The following SYN3 variants were observed in gnomAD, a reference collection of about 807,000 sequenced individuals.
SYN3 encodes the protein synapsin III.
SYN3 carries 35 observed loss-of-function variants against 65.8 expected under a neutral mutation model. The observed-to-expected ratio is 0.53, with a 90% CI of 0.41 to 0.70. The LOEUF (loss-of-function observed/expected upper bound fraction) is 0.70, where lower values mean the gene tolerates loss of function less well. Among genes scored for constraint, SYN3 ranks in the 30% least tolerant of loss-of-function variants. The probability of loss-of-function intolerance (pLI) is 0.00; values close to 1 mark genes in which losing one functional copy is unlikely to be tolerated. For synonymous variants in SYN3, 270 were observed against 292.9 expected, an observed-to-expected ratio of 0.92 and a Z score of 0.80; for missense variants, 680 against 749.0, an observed-to-expected ratio of 0.91 and a Z score of 1.08.
chr22:32,890,379 T>G (rs2049410740), intron 4 of SYN3, among the ~76,000 whole-genome samples: 1 of 151,962 alleles, frequency 6.6e-6, no homozygotes, highest in African/African-American at 2.4e-5. Context: ...CTGGCCTGAT[T>G]TAGCACCTTT....
rs555474504 is a variant in SYN3, at chr22:32,573,950, T to A, written c.774+22724A>T. Among the ~76,000 whole-genome samples the A allele has an allele frequency of 2.5e-3, 376 of 151,050 alleles. 1 individual carries two copies. The highest frequency in any genetic ancestry group is 4.3e-3 in the Non-Finnish European group (290 of 67,722). On this transcript the variant is annotated intron_variant, in intron 7 of 13. Coordinates refer to ENST00000358763, the MANE Select transcript of SYN3 (RefSeq NM_003490.4). ...ACGCCCGGCTAATTTTTTTTTTTTT[T>A]TTATTTTAGTAGAGACGGGGTTTCA... is the stretch of plus-strand genomic sequence containing the variant.
chr22:32,787,128 G>C (rs2046216219), intron 6 of SYN3, among the ~76,000 whole-genome samples: 1 of 146,902 alleles, frequency 6.8e-6, no homozygotes, highest in Admixed American at 7.0e-5. Context: ...GCTCACTGCA[G>C]CCTCCATCTC....
intron 6 of SYN3, among the ~76,000 whole-genome samples, chr22:32,755,212 T>G (rs1243830509): frequency 6.6e-6 from 1 of 152,352 alleles, no homozygotes; most frequent in Non-Finnish European, 1.5e-5. Flanking sequence ...GGTAGGACTA[T>G]GATAATTCCC....
chr22:32,750,007 T>C (rs1040998369), intron 6 of SYN3, among the ~76,000 whole-genome samples: 2 of 152,088 alleles, frequency 1.3e-5, no homozygotes, highest in Admixed American at 1.3e-4. Context: ...AGGGTAGACG[T>C]AGGGTCAATA....
chr22:32,758,911 C>T (rs1317094002), intron 6 of SYN3, among the ~76,000 whole-genome samples: 1 of 150,966 alleles, frequency 6.6e-6, no homozygotes, highest in African/African-American at 2.4e-5. Context: ...ATTCCCAGTC[C>T]CCCTGACTAT....
chr22:32,771,059 G>T (rs1219228439), intron 6 of SYN3, among the ~76,000 whole-genome samples: 3 of 151,408 alleles, frequency 2.0e-5, no homozygotes, highest in African/African-American at 7.3e-5. Flanking sequence ...CCCTCCCCTT[G>T]CCCCTCACCC....
At chr22:32,654,731 C>T (rs2060119359) in intron 6 of SYN3, among the ~76,000 whole-genome samples, 1 of 152,230 alleles carries the variant, frequency 6.6e-6, no homozygotes, top group Non-Finnish European at 1.5e-5. Context: ...TCATTGTCTC[C>T]CATGCATGCT....
At chr22:32,890,631 C>T (rs1322076840) in intron 4 of SYN3, among the ~76,000 whole-genome samples, 3 of 152,118 alleles carry the variant, frequency 2.0e-5, no homozygotes, top group East Asian at 3.9e-4. Context: ...CTGCCCGCCT[C>T]GGCCTCCCAA....
intron 7 of SYN3, among the ~76,000 whole-genome samples, chr22:32,592,187 G>A (rs538306058): frequency 1.1e-4 from 17 of 152,086 alleles, no homozygotes; most frequent in Non-Finnish European, 1.6e-4. Flanking sequence ...ATTTTTTGTC[G>A]TGGGAAGCTG....
At chr22:32,565,180 C>G (rs2058655860) in intron 7 of SYN3, among the ~76,000 whole-genome samples, 1 of 152,068 alleles carries the variant, frequency 6.6e-6, no homozygotes, top group Non-Finnish European at 1.5e-5. Context: ...CGGACTGCAC[C>G]CAAACAGTGC....
chr22:32,909,520 C>T (rs1240882500), intron 4 of SYN3, among the ~76,000 whole-genome samples: 2 of 152,170 alleles, frequency 1.3e-5, no homozygotes, highest in South Asian at 2.1e-4. Context: ...ATCTATTAGG[C>T]ATGTTTTATC....
rs2061051377 is a variant in SYN3 at position 32,717,230 on chromosome 22, CACGATGCTAT to C, written c.712-120504_712-120495del. 2.0e-5 allele frequency among the ~76,000 whole-genome samples: 3 copies of C among 152,156 alleles called. No individual in the cohort carries two copies. In the South Asian group the frequency reaches 6.2e-4, roughly 31 times the overall value. ...CTCAGCTAGATCTGACCCCTGAGCC[CACGATGCTAT>C]ACTCCTGCCTGCTTCAGGGAAGTCT... On this transcript the variant is annotated intron_variant, in intron 6 of 13. Coordinates refer to ENST00000358763, the MANE Select transcript of SYN3 (RefSeq NM_003490.4).
chr22:32,553,817 G>C (rs2858341), intron 7 of SYN3, among the ~76,000 whole-genome samples: 1 of 152,162 alleles, frequency 6.6e-6, no homozygotes, highest in Admixed American at 6.5e-5. Flanking sequence ...CCCAGCCTTT[G>C]GGGTTGGCCC....
intron 6 of SYN3, among the ~76,000 whole-genome samples, chr22:32,699,589 C>G (rs1350497798): frequency 2.5e-5 from 1 of 40,192 alleles, no homozygotes; most frequent in Non-Finnish European, 4.6e-5. Context: ...GTGACCTTGA[C>G]CAAGTCACAT....
chr22:32,754,767 C>T (rs1287195233), intron 6 of SYN3, among the ~76,000 whole-genome samples: 1 of 152,252 alleles, frequency 6.6e-6, no homozygotes, highest in Non-Finnish European at 1.5e-5. Flanking sequence ...AGGTGAGCGT[C>T]TCCATGTAAC....
At chr22:32,972,743 A>G (rs1230313675) in intron 3 of SYN3, among the ~76,000 whole-genome samples, 1 of 152,166 alleles carries the variant, frequency 6.6e-6, no homozygotes, top group Non-Finnish European at 1.5e-5. Flanking sequence ...CTGTAATCCC[A>G]GCACTTTGGG....
At chr22:32,633,049 T>C (rs1204315433) in intron 6 of SYN3, among the ~76,000 whole-genome samples, 1 of 152,168 alleles carries the variant, frequency 6.6e-6, no homozygotes, top group Non-Finnish European at 1.5e-5. Context: ...GTTAGGCAAA[T>C]TACTTCTCCA....
At chr22:32,944,493 G>A (rs1282691870) in intron 3 of SYN3, among the ~76,000 whole-genome samples, 2 of 152,080 alleles carry the variant, frequency 1.3e-5, no homozygotes, top group African/African-American at 2.4e-5. Context: ...AAATTCAACA[G>A]CCCTTCATGC....
chr22:32,871,754 C>T lies in SYN3; in HGVS notation c.462-2629G>A, dbSNP rs188588867. ...TCCCAAGTAGCTGGGACTACAGGTG[C>T]GCACCACCACATCCAGCTAATTTTT... On this transcript the variant is annotated intron_variant, in intron 4 of 13. Coordinates refer to ENST00000358763, the MANE Select transcript of SYN3 (RefSeq NM_003490.4). 7.3e-3 allele frequency among the ~76,000 whole-genome samples: 1,104 copies of T among 152,098 alleles called. 32 individuals carry two copies. Among genetic ancestry groups the T allele is most frequent in the Admixed American group, 0.049 (746 of 15,278 alleles).
Sources: allele counts gnomAD v4.1 joint callset (sites outside exome capture counted in the v4.1 genomes callset), GRCh38; gene constraint gnomAD v4.1.1; transcripts MANE v1.5; gene names NCBI Gene and HGNC (gene_info 2026-07-23, HGNC 2026-07-21).